The following HYOU1 variants were observed in gnomAD, a reference collection of about 807,000 sequenced individuals.
The protein encoded by HYOU1 is hypoxia up-regulated protein 1.
In HYOU1, 40 loss-of-function variants were observed where a neutral mutation model predicts 120.5. The ratio of observed to expected loss-of-function variants is 0.33; its 90% CI spans 0.26 to 0.43. HYOU1 has a LOEUF of 0.43. Among genes scored for constraint, HYOU1 ranks in the 20% least tolerant of loss-of-function variants. The probability of loss-of-function intolerance (pLI) is 1.00; values close to 1 mark genes in which losing one functional copy is unlikely to be tolerated. For synonymous variants in HYOU1, 501 were observed against 479.4 expected, an observed-to-expected ratio of 1.05 and a Z score of -0.59; for missense variants, 1,085 against 1,278.3, an observed-to-expected ratio of 0.85 and a Z score of 2.31.
At position 119,045,586 on chromosome 11, in the gene HYOU1, G is replaced by A. The variant is rs1323500046; in HGVS notation, c.*7C>T. On this transcript the variant is annotated 3_prime_UTR_variant, in exon 26 of 26. Coordinates refer to ENST00000617285, the MANE Select transcript of HYOU1 (RefSeq NM_006389.5). ...GTGGAGATGAATGGGGAAAACAGAG[G>A]TGGGGGTTATAGTTCGTCGTTCTTC... 2 of 1,612,650 alleles carry A rather than the reference G, an allele frequency of 1.2e-6. No individual in the cohort carries two copies. The highest frequency in any genetic ancestry group is 1.7e-5 in the Admixed American group (1 of 60,016).
In HYOU1 at chr11:119,048,358, G is replaced by C. The variant is rs2133563210; in HGVS notation, c.2266C>G (p.Gln756Glu). Residue 756 changes from glutamine to glutamate, a missense_variant, in exon 20 of 26, where the codon CAG (glutamine) becomes GAG (glutamate). Physicochemically the swap from Gln to Glu is conservative, Grantham distance 29. Coordinates refer to ENST00000617285, the MANE Select transcript of HYOU1 (RefSeq NM_006389.5). This position sits in a 1 kb window ranked among gnomAD's most constrained non-coding sequence, Gnocchi z 4.7. ...FIFETQDKLY[Q>E]PEYQEVSTEE... ...GTGGACACTTCCTGGTACTCGGGCT[G>C]GTACAGCTTGTCCTGGGGAGGGGGA... 6.2e-7 allele frequency: 1 copy of C among 1,609,500 alleles called. No individual in the cohort carries two copies. Among genetic ancestry groups the C allele is most frequent in the South Asian group, 1.1e-5 (1 of 91,068 alleles).
In HYOU1 at chr11:119,054,423, AAAGGGACCAAGTG is replaced by A. The variant is rs1289018675; in HGVS notation, c.678+58_678+70del. 3 of 1,519,290 alleles carry A rather than the reference AAAGGGACCAAGTG, an allele frequency of 2.0e-6. No individual in the cohort carries two copies. In the African/African-American group the frequency reaches 4.1e-5, roughly 21 times the overall value. The allele number at this position is 1,519,290 out of a possible 1,614,324, so 94.1% of individuals were successfully genotyped here. A position where few individuals can be genotyped will look rare whatever the true frequency, so the allele number is the denominator to read the frequency against. The stretch of plus-strand genomic sequence containing the variant: ...AGCCCAGCCATGCAAACCAGATGCA[AAAGGGACCAAGTG>A]GCCTCCATCCTTAGATTCAGTCACC... On this transcript the variant is annotated intron_variant, in intron 7 of 25. Transcript: ENST00000617285.
rs1944441135 is a variant in HYOU1, at chr11:119,051,556, A to G, written c.1408T>C (p.Phe470Leu). The change falls in exon 13 of 26, where the codon TTC (phenylalanine) becomes CTC (leucine). Residue 470 changes from phenylalanine to leucine, a missense_variant. Around this residue, in one of 4 missense-constraint regions of HYOU1, gnomAD observed 515 missense variants for 677.8 expected, o/e 0.76. Transcript: ENST00000617285. The surrounding 1 kb of genome is among the most constrained non-coding windows in gnomAD (Gnocchi z 4.2). ...HSLKHNKRVLFSRMGPYPQRK... is the reference protein window; with the variant it reads ...HSLKHNKRVLLSRMGPYPQRK... ...TGAGGGTAGGGCCCCATCCGAGAGA[A>G]GAGTACCCGTTTATTGTGCTTCAGG... The G allele has an allele frequency of 6.2e-7, 1 of 1,614,014 alleles. No homozygotes were observed. Among genetic ancestry groups the G allele is most frequent in the Admixed American group, 1.7e-5 (1 of 59,992 alleles).
intron 22 of HYOU1, 31 bp downstream of exon 22, chr11:119,047,703 G>GT (rs2133557608): frequency 5.1e-6 from 8 of 1,563,480 alleles, no homozygotes; most frequent in Non-Finnish European, 7.1e-6. Flanking sequence ...TGGCAGCTAA[G>GT]TATCTGGTTA....
rs1944532768 is a variant in HYOU1 at position 119,052,912 on chromosome 11, G to A, written c.795-83C>T. The A allele has an allele frequency of 7.8e-7, 1 of 1,284,534 alleles. No homozygotes were observed. 79.6% of individuals were successfully genotyped at this position (1,284,534 alleles called of 1,614,324 possible). A position where few individuals can be genotyped will look rare whatever the true frequency, so the allele number is the denominator to read the frequency against. The stretch of plus-strand genomic sequence containing the variant: ...CACAGGAGCCTCTCATCCCCACATG[G>A]CACCTTTCCTTCATCTCAGGGGACC... On this transcript the variant is annotated intron_variant, in intron 8 of 25. Transcript: ENST00000617285. This position sits in a 1 kb window ranked among gnomAD's most constrained non-coding sequence, Gnocchi z 5.0.
In HYOU1 at chr11:119,052,379, C is replaced by T; in HGVS notation, c.1038G>A (p.Val346=). ...DVDFKAKVTR[V]EFEELCADLF... is the part of the protein sequence containing the mutation. ...AGTCTGCACACAACTCCTCAAATTC[C>T]ACACGAGTCACTTTTGCCTTGAAGT... Residue 346 remains valine (V), a synonymous_variant, in exon 10 of 26, where the codon GTG becomes GTA. Transcript: ENST00000617285. The surrounding 1 kb of genome is among the most constrained non-coding windows in gnomAD (Gnocchi z 5.0). The T allele has an allele frequency of 1.2e-6, 2 of 1,614,238 alleles. No homozygotes were observed. Among genetic ancestry groups the T allele is most frequent in the Non-Finnish European group, 1.7e-6 (2 of 1,180,050 alleles).
Position 119,045,907 on chromosome 11 carries a change from T to C in HYOU1, c.2888-76A>G, listed in dbSNP as rs115100941. On this transcript the variant is annotated intron_variant, in intron 24 of 25. Coordinates refer to ENST00000617285, the MANE Select transcript of HYOU1 (RefSeq NM_006389.5). ...AGGGAAGGCTGGGCCAGTTTTTCCA[T>C]GAAGAGCCAGCTAGTAAATATTTTA... The C allele has an allele frequency of 2.9e-4, 410 of 1,412,514 alleles. 2 individuals carry two copies. The African/African-American group carries it at 5.3e-3, about 18-fold the overall frequency. The allele number at this position is 1,412,514 out of a possible 1,614,324, so 87.5% of individuals were successfully genotyped here.
intron 7 of HYOU1, 69 bp from the exon 8 acceptor site, chr11:119,054,305 C>A (rs1001550988): frequency 5.3e-6 from 7 of 1,328,348 alleles, no homozygotes; most frequent in Admixed American, 5.2e-5. Flanking sequence ...TGCCCACCCA[C>A]CTGCTTCCAA....
chr11:119,045,908 G>A (rs1348010705), intron 24 of HYOU1, 77 bp from the exon 25 acceptor site: 24 of 1,402,494 alleles, frequency 1.7e-5, no homozygotes, highest in Non-Finnish European at 2.2e-5. Flanking sequence ...GTTTTTCCAT[G>A]AAGAGCCAGC....
rs1190994253 is a variant in HYOU1 at position 119,054,173 on chromosome 11, C to T, written c.742G>A (p.Val248Met). 7 of 1,614,068 alleles carry T rather than the reference C, an allele frequency of 4.3e-6. No homozygotes were observed. The highest frequency in any genetic ancestry group is 2.2e-5 in the East Asian group (1 of 44,906). ...TGCATCCCAGCTTCCTTAGTCTTCA[C>T]CATCTGGTAGGTCACAATGGTGCAT... The part of the protein sequence containing the change: ...TVCTIVTYQM[V>M]KTKEAGMQPQ... The change falls in exon 8 of 26, where the codon GTG (valine) becomes ATG (methionine). Residue 248 changes from valine (V) to methionine (M), a missense_variant. Transcript: ENST00000617285.
chr11:119,044,589 G>C lies in HYOU1; in HGVS notation c.*1004C>G, dbSNP rs1943966137. The C allele has an allele frequency of 6.4e-6, 1 of 156,036 alleles. No individual in the cohort carries two copies. The highest frequency in any genetic ancestry group is 6.2e-5 in the Admixed American group (1 of 16,148). 9.7% of individuals were successfully genotyped at this position (156,036 alleles called of 1,614,324 possible). On this transcript the variant is annotated 3_prime_UTR_variant, in exon 26 of 26. Coordinates refer to ENST00000617285, the MANE Select transcript of HYOU1 (RefSeq NM_006389.5). ...TCCACAGGCCTGCCTCAGAGAGAGG[G>C]AGGTGGCATCTCTACATTCACACCA...
At chr11:119,056,366 CCCAAGTGAAAGAGCATGGGT>C in intron 1 of HYOU1, 199 bp from the exon 2 acceptor site, 1 of 664,994 alleles carries the variant, frequency 1.5e-6, no homozygotes, top group South Asian at 1.5e-5. Context: ...CACACAAAGG[CCCAAGTGAAAGAGCATGGGT>C]CCTCGGCTTT....
At chr11:119,050,168 T>C (rs565998032) in intron 14 of HYOU1, among the ~76,000 whole-genome samples, 1 of 152,188 alleles carries the variant, frequency 6.6e-6, no homozygotes, top group Non-Finnish European at 1.5e-5. Context: ...TCTCAACACT[T>C]TGGGAGGCCA....
rs2133613094 is a variant in HYOU1, at chr11:119,055,378, C to T, written c.265-39G>A. 3.1e-6 allele frequency: 5 copies of T among 1,608,740 alleles called. No homozygotes were observed. The highest frequency in any genetic ancestry group is 1.1e-5 in the South Asian group (1 of 90,748). ...AAGGAGCAGACTAGTATTAGGCTCCCAAGTCCACCATTACCTACCTCTTAC... is the reference window on the plus strand; with the variant it reads ...AAGGAGCAGACTAGTATTAGGCTCCTAAGTCCACCATTACCTACCTCTTAC... On this transcript the variant is annotated intron_variant, in intron 4 of 25. Transcript: ENST00000617285. The surrounding 1 kb of genome is among the most constrained non-coding windows in gnomAD (Gnocchi z 4.0).
In HYOU1 at chr11:119,045,313, G is replaced by A; in HGVS notation, c.*280C>T. 1 of 592,946 alleles carries A rather than the reference G, an allele frequency of 1.7e-6. No homozygotes were observed. 36.7% of individuals were successfully genotyped at this position (592,946 alleles called of 1,614,324 possible). A position where few individuals can be genotyped will look rare whatever the true frequency, so the allele number is the denominator to read the frequency against. ...TTCCTACCCACAGGCAAAGGATTCA[G>A]AAATTAATAGTGATTTTTCCCAAAT... On this transcript the variant is annotated 3_prime_UTR_variant, in exon 26 of 26. Coordinates refer to ENST00000617285, the MANE Select transcript of HYOU1 (RefSeq NM_006389.5).
chr11:119,055,899 T>TC lies in HYOU1; in HGVS notation c.92-57dup. ...CTCCCTTCGCCCACCTTCCTGGGACTCCCTCTAATCAAAGCATACCACTTT... is the reference window on the plus strand; with the variant it reads ...CTCCCTTCGCCCACCTTCCTGGGACTCCCCTCTAATCAAAGCATACCACTTT... On this transcript the variant is annotated intron_variant, in intron 2 of 25. Transcript: ENST00000617285. This position sits in a 1 kb window ranked among gnomAD's most constrained non-coding sequence, Gnocchi z 4.0. 1 of 1,486,182 alleles carries TC rather than the reference T, an allele frequency of 6.7e-7. No homozygotes were observed. The highest frequency in any genetic ancestry group is 9.4e-7 in the Non-Finnish European group (1 of 1,063,528). The allele number at this position is 1,486,182 out of a possible 1,614,324, so 92.1% of individuals were successfully genotyped here.
intron 22 of HYOU1, chr11:119,047,516 C>G (rs1401513958): frequency 3.8e-6 from 2 of 531,628 alleles, no homozygotes; most frequent in African/African-American, 1.9e-5. Context: ...TCTCTGTCCT[C>G]ATGGGATGGG....
Position 119,045,036 on chromosome 11 carries a change from AGGAGCTGGATGGGAATGGGGAAG to A in HYOU1, c.*534_*556del. On this transcript the variant is annotated 3_prime_UTR_variant, in exon 26 of 26. Coordinates refer to ENST00000617285, the MANE Select transcript of HYOU1 (RefSeq NM_006389.5). ...GGAAGCCAAGGAAACCCAGGGGGAA[AGGAGCTGGATGGGAATGGGGAAG>A]GGAGGCTCAGAGCAAGAGAAGCCCG... 1 of 430,724 alleles carries A rather than the reference AGGAGCTGGATGGGAATGGGGAAG, an allele frequency of 2.3e-6. No homozygotes were observed. Among genetic ancestry groups the A allele is most frequent in the Non-Finnish European group, 4.9e-6 (1 of 205,856 alleles). The allele number at this position is 430,724 out of a possible 1,614,324, so 26.7% of individuals were successfully genotyped here.
chr11:119,045,212 G>C lies in HYOU1; in HGVS notation c.*381C>G. ...GAAGGGAGGGAAGGAACAATCACCA[G>C]AGAAGAGTGGAAACTCCCCAGCAAC... On this transcript the variant is annotated 3_prime_UTR_variant, in exon 26 of 26. Transcript: ENST00000617285. 1 of 466,564 alleles carries C rather than the reference G, an allele frequency of 2.1e-6. No individual in the cohort carries two copies. The highest frequency in any genetic ancestry group is 1.5e-5 in the South Asian group (1 of 64,582). 28.9% of individuals were successfully genotyped at this position (466,564 alleles called of 1,614,324 possible).
Sources: allele counts gnomAD v4.1 joint callset (sites outside exome capture counted in the v4.1 genomes callset), GRCh38; gene constraint gnomAD v4.1.1; regional missense constraint gnomAD v4.1.1; non-coding constraint Gnocchi (gnomAD v3.1); transcripts MANE v1.5; gene names NCBI Gene and HGNC (gene_info 2026-07-23, HGNC 2026-07-21).